ABRAXAS2: variants seen among roughly 807,000 people sequenced by gnomAD.
ABRAXAS2 encodes the protein abraxas 2, BRISC complex subunit.
A neutral mutation model predicts 49.0 loss-of-function variants in ABRAXAS2; 23 were observed. The ratio of observed to expected loss-of-function variants is 0.47; its 90% CI spans 0.34 to 0.66. The LOEUF (loss-of-function observed/expected upper bound fraction) is 0.66, where lower values mean the gene tolerates loss of function less well. ABRAXAS2 is among the 30% of genes least tolerant of loss of function. The pLI, the probability that ABRAXAS2 is intolerant of heterozygous loss-of-function variation, is 0.01. For synonymous variants in ABRAXAS2, 168 were observed against 180.2 expected, an observed-to-expected ratio of 0.93 and a Z score of 0.54; for missense variants, 443 against 511.9, an observed-to-expected ratio of 0.87 and a Z score of 1.30.
chr10:124,807,981 A>C (rs1589802500), intron 2 of ABRAXAS2, among the ~76,000 whole-genome samples: 1 of 152,340 alleles, frequency 6.6e-6, no homozygotes. Context: ...GATAAGCCAA[A>C]TACCCACTTC....
At position 124,831,564 on chromosome 10, in the gene ABRAXAS2, C is replaced by G. The variant is rs184305986; in HGVS notation, c.778+101C>G. 392 of 626,030 alleles carry G rather than the reference C, an allele frequency of 6.3e-4. No individual in the cohort carries two copies. The African/African-American group carries it at 6.8e-3, about 11-fold the overall frequency. The allele number at this position is 626,030 out of a possible 1,614,324, so 38.8% of individuals were successfully genotyped here. A position where few individuals can be genotyped will look rare whatever the true frequency, so the allele number is the denominator to read the frequency against. On this transcript the variant is annotated intron_variant, in intron 8 of 8. Coordinates refer to ENST00000298492, the MANE Select transcript of ABRAXAS2 (RefSeq NM_032182.4). ...ATTATGTGCCTCTTTCTACGCTCAT[C>G]CAGTCTCAGATTAGCCTGGCTGGGG...
chr10:124,826,817 T>C (rs1045235691), intron 5 of ABRAXAS2, 32 bp downstream of exon 5: 2 of 1,606,618 alleles, frequency 1.2e-6, no homozygotes, highest in Admixed American at 1.7e-5. Context: ...GCCTCACATA[T>C]AAGAAGGACG....
chr10:124,816,560 C>G lies in ABRAXAS2; in HGVS notation c.164-16C>G, dbSNP rs756069823. 6.3e-7 allele frequency: 1 copy of G among 1,585,602 alleles called. No homozygotes were observed. Among genetic ancestry groups the G allele is most frequent in the Non-Finnish European group, 8.6e-7 (1 of 1,156,614 alleles). ...TACATGATTAACTAAGATGTATTTC[C>G]TCTTTCTAATTACAGAAATCCATAA... On this transcript the variant is annotated splice_polypyrimidine_tract_variant and intron_variant, in intron 2 of 8. Coordinates refer to ENST00000298492, the MANE Select transcript of ABRAXAS2 (RefSeq NM_032182.4).
chr10:124,805,061 T>G (rs1221887048), intron 1 of ABRAXAS2, among the ~76,000 whole-genome samples: 1 of 152,088 alleles, frequency 6.6e-6, no homozygotes, highest in African/African-American at 2.4e-5. Flanking sequence ...TTTGGTATTT[T>G]AGGACACTCC....
At chr10:124,807,670 T>C (rs1950755918) in intron 2 of ABRAXAS2, among the ~76,000 whole-genome samples, 2 of 152,292 alleles carry the variant, frequency 1.3e-5, no homozygotes, top group Middle Eastern at 6.8e-3. Context: ...TGAAATGTTT[T>C]TATGTCAGTA....
intron 8 of ABRAXAS2, among the ~76,000 whole-genome samples, chr10:124,833,680 T>G (rs1423068944): frequency 6.6e-6 from 1 of 152,210 alleles, no homozygotes; most frequent in Non-Finnish European, 1.5e-5. Flanking sequence ...GACAGTGTTA[T>G]TGGGATGATG....
At chr10:124,808,830 G>A (rs995687815) in intron 2 of ABRAXAS2, among the ~76,000 whole-genome samples, 2 of 152,104 alleles carry the variant, frequency 1.3e-5, no homozygotes, top group African/African-American at 4.8e-5. Context: ...GTGGTTTGTG[G>A]TTTGAAATAC....
chr10:124,803,756 C>T (rs1045989304), intron 1 of ABRAXAS2, among the ~76,000 whole-genome samples: 1 of 152,116 alleles, frequency 6.6e-6, no homozygotes, highest in Non-Finnish European at 1.5e-5. Flanking sequence ...ATAAAATTAG[C>T]CAGGCGTGGT....
In ABRAXAS2 at chr10:124,828,580, C is replaced by T. The variant is rs141676849; in HGVS notation, c.459-176C>T. On this transcript the variant is annotated intron_variant, in intron 5 of 8. Coordinates refer to ENST00000298492, the MANE Select transcript of ABRAXAS2 (RefSeq NM_032182.4). ...ACAGGGTTTCACCATGTTGGCCAGG[C>T]TGGCGTTGGTCTCGAACTCCTGACC... 2.2e-3 allele frequency among the ~76,000 whole-genome samples: 338 copies of T among 152,090 alleles called. 1 individual carries two copies. The highest frequency in any genetic ancestry group is 7.9e-3 in the African/African-American group (326 of 41,496).
chr10:124,814,436 G>A (rs948170629), intron 2 of ABRAXAS2, among the ~76,000 whole-genome samples: 4 of 150,846 alleles, frequency 2.7e-5, no homozygotes, highest in African/African-American at 7.3e-5. Flanking sequence ...TGCAACCTCC[G>A]CCTCCTGGGT....
intron 1 of ABRAXAS2, among the ~76,000 whole-genome samples, chr10:124,806,344 A>T (rs1448634887): frequency 6.6e-6 from 1 of 151,982 alleles, no homozygotes; most frequent in Non-Finnish European, 1.5e-5. Context: ...AAAAAGGTTC[A>T]TGTGGATGAT....
At chr10:124,806,953 T>C (rs1950748936) in intron 2 of ABRAXAS2, 32 bp downstream of exon 2, 2 of 1,400,788 alleles carry the variant, frequency 1.4e-6, no homozygotes, top group African/African-American at 1.4e-5. Context: ...CTTAGAAATA[T>C]CTTTTTTGTA....
intron 2 of ABRAXAS2, among the ~76,000 whole-genome samples, chr10:124,809,608 G>T (rs1186726447): frequency 1.3e-5 from 2 of 151,848 alleles, no homozygotes; most frequent in African/African-American, 2.4e-5. Context: ...ATTGAAGTTA[G>T]GTCAGGATTA....
In ABRAXAS2 at chr10:124,814,152, C is replaced by T. The variant is rs190924778; in HGVS notation, c.164-2424C>T. On this transcript the variant is annotated intron_variant, in intron 2 of 8. Transcript: ENST00000298492. Reference sequence around the variant, plus strand: ...GATTACAGGCATGCGCCACCATGCCCGGCTAATTTTGTATTTTTAGTAGAG... The same window carrying T: ...GATTACAGGCATGCGCCACCATGCCTGGCTAATTTTGTATTTTTAGTAGAG... 1.9e-3 allele frequency among the ~76,000 whole-genome samples: 294 copies of T among 152,018 alleles called. 6 individuals carry two copies. The highest frequency in any genetic ancestry group is 4.2e-3 in the South Asian group (20 of 4,804).
rs553175695 is a variant in ABRAXAS2 at position 124,808,178 on chromosome 10, C to CTT, written c.163+1271_163+1272dup. On this transcript the variant is annotated intron_variant, in intron 2 of 8. Transcript: ENST00000298492. ...ACTTTTCATTTATTTATGCGGCAAA[C>CTT]TTTTTTTTTTTTTTTGAGACGGAGT... 7.6e-5 allele frequency among the ~76,000 whole-genome samples: 11 copies of CTT among 144,896 alleles called. 1 individual carries two copies. Among genetic ancestry groups the CTT allele is most frequent in the African/African-American group, 1.8e-4 (7 of 39,760 alleles).
intron 1 of ABRAXAS2, among the ~76,000 whole-genome samples, chr10:124,804,902 CG>C (rs1222894235): frequency 1.3e-5 from 2 of 151,490 alleles, no homozygotes; most frequent in Admixed American, 1.3e-4. Flanking sequence ...TTAGTAGAGA[CG>C]GGGTTTCTCC....
In ABRAXAS2 at chr10:124,829,467, A is replaced by G. The variant is rs1486819156; in HGVS notation, c.653A>G (p.Glu218Gly). 1 of 1,599,588 alleles carries G rather than the reference A, an allele frequency of 6.3e-7. No individual in the cohort carries two copies. The highest frequency in any genetic ancestry group is 8.6e-7 in the Non-Finnish European group (1 of 1,169,244). Residue 218 changes from glutamate (E) to glycine (G), a missense_variant, in exon 7 of 9, where the codon GAG becomes GGG. Around this residue, in one of 3 missense-constraint regions of ABRAXAS2, gnomAD observed 166 missense variants for 247.3 expected, o/e 0.67. Transcript: ENST00000298492. ...AIYQVYNALQ[E>G]KVQAVCADVE... is the part of the protein sequence containing the mutation. ...TATCAGGTTTATAATGCACTTCAGG[A>G]GAAAGTTCAGGTAACTGATTTATTT...
At chr10:124,804,603 G>T (rs1402503164) in intron 1 of ABRAXAS2, among the ~76,000 whole-genome samples, 1 of 151,684 alleles carries the variant, frequency 6.6e-6, no homozygotes, top group Non-Finnish European at 1.5e-5. Context: ...GATTTTCTTA[G>T]GGTAAAACAA....
At chr10:124,809,164 G>T (rs1029066104) in intron 2 of ABRAXAS2, among the ~76,000 whole-genome samples, 1 of 152,052 alleles carries the variant, frequency 6.6e-6, no homozygotes, top group Non-Finnish European at 1.5e-5. Flanking sequence ...AAAAAGAAAA[G>T]AAAAATGAAG....
Sources: gnomAD v4.1 joint callset for allele counts (sites outside exome capture counted in the v4.1 genomes callset) on GRCh38, gnomAD v4.1.1 for gene constraint, gnomAD v4.1.1 regional missense constraint, MANE v1.5 for transcripts, NCBI Gene and HGNC (gene_info 2026-07-23, HGNC 2026-07-21) for gene names.